The following ATXN7 variants were observed in gnomAD, a reference collection of about 807,000 sequenced individuals.
ATXN7 encodes the protein ataxin-7.
ATXN7 carries 12 observed loss-of-function variants against 70.5 expected under a neutral mutation model. The observed-to-expected ratio is 0.17, with a 90% confidence interval of 0.11 to 0.28. ATXN7 has a LOEUF of 0.28. Ranked by LOEUF, ATXN7 falls within the 10% of genes least tolerant of loss-of-function variation. ATXN7 has a pLI of 1.00. For missense variants in ATXN7, 1,256 were observed against 1,131.7 expected, an observed-to-expected ratio of 1.11 and a Z score of -1.58; for synonymous variants, 498 against 448.7, an observed-to-expected ratio of 1.11 and a Z score of -1.39.
chr3:63,926,343 C>T (rs1704714423), intron 4 of ATXN7, among the ~76,000 whole-genome samples: 3 of 152,072 alleles, frequency 2.0e-5, no homozygotes. Flanking sequence ...ATGGGAAATA[C>T]AATTTTAAAT....
chr3:63,961,831 G>C (rs1229093282), intron 5 of ATXN7, among the ~76,000 whole-genome samples: 2 of 152,002 alleles, frequency 1.3e-5, no homozygotes, highest in African/African-American at 4.8e-5. Context: ...GCTATTATAG[G>C]ATTGCCATGC....
At chr3:63,894,899 A>T (rs1559622821) in intron 1 of ATXN7, among the ~76,000 whole-genome samples, 1 of 152,116 alleles carries the variant, frequency 6.6e-6, no homozygotes, top group Non-Finnish European at 1.5e-5. Flanking sequence ...CATATCTAGA[A>T]TGGAGAGATT....
At chr3:63,932,069 A>G (rs570966173) in intron 4 of ATXN7, among the ~76,000 whole-genome samples, 7 of 152,342 alleles carry the variant, frequency 4.6e-5, no homozygotes, top group African/African-American at 1.4e-4. Context: ...TCATGACTCA[A>G]TAGTGTTTAG....
At chr3:63,944,750 T>C (rs1431179058) in intron 4 of ATXN7, among the ~76,000 whole-genome samples, 1 of 152,024 alleles carries the variant, frequency 6.6e-6, no homozygotes, top group African/African-American at 2.4e-5. Context: ...TTTTGTGAGT[T>C]ATGTTTTTTT....
chr3:63,960,318 A>G (rs898230579), intron 5 of ATXN7, among the ~76,000 whole-genome samples: 1 of 152,200 alleles, frequency 6.6e-6, no homozygotes, highest in African/African-American at 2.4e-5. Context: ...AAGTGGGTCC[A>G]GGACCAGATG....
chr3:63,910,793 A>AAATC (rs1491323188), intron 2 of ATXN7, among the ~76,000 whole-genome samples: 2 of 152,148 alleles, frequency 1.3e-5, no homozygotes, highest in Non-Finnish European at 2.9e-5. Context: ...AAAAAATTTT[A>AAATC]CAGACTTATT....
At chr3:63,869,474 A>T (rs1702535356) in intron 1 of ATXN7, among the ~76,000 whole-genome samples, 1 of 151,906 alleles carries the variant, frequency 6.6e-6, no homozygotes, top group Admixed American at 6.6e-5. Context: ...CCAAGGCTGG[A>T]GTGCAGTGGC....
intron 1 of ATXN7, among the ~76,000 whole-genome samples, chr3:63,880,784 C>T (rs113389212): frequency 2.2e-4 from 34 of 152,264 alleles, no homozygotes; most frequent in South Asian, 4.1e-4. Context: ...TCAGACACGC[C>T]GCCCTTCTCA....
chr3:63,865,852 G>A (rs1702403015), intron 1 of ATXN7, among the ~76,000 whole-genome samples: 1 of 114,488 alleles, frequency 8.7e-6, no homozygotes, highest in South Asian at 3.0e-4. Flanking sequence ...CCCAGATCCC[G>A]CCACTGCACT....
At chr3:63,958,966 A>G (rs1037908702) in intron 5 of ATXN7, among the ~76,000 whole-genome samples, 4 of 152,218 alleles carry the variant, frequency 2.6e-5, no homozygotes, top group African/African-American at 7.2e-5. Context: ...TCACAAAACT[A>G]TCATTAGTGA....
At chr3:63,998,210 G>A in intron 12 of ATXN7, 1 of 701,700 alleles carries the variant, frequency 1.4e-6, no homozygotes. Context: ...AGGGGGGGGG[G>A]CCAGGTGGGG....
At chr3:63,915,158 A>G (rs1377171322) in intron 4 of ATXN7, among the ~76,000 whole-genome samples, 1 of 152,124 alleles carries the variant, frequency 6.6e-6, no homozygotes, top group African/African-American at 2.4e-5. Context: ...GATGGTCTCA[A>G]TCTCCTAACC....
intron 1 of ATXN7, among the ~76,000 whole-genome samples, chr3:63,897,438 A>C (rs1422329525): frequency 3.3e-5 from 5 of 152,216 alleles, no homozygotes; most frequent in African/African-American, 1.2e-4. Flanking sequence ...GTAAATGTTC[A>C]AAACATGGCA....
chr3:63,868,365 G>A lies in ATXN7; in HGVS notation c.-111+4207G>A, dbSNP rs78881213. ...ATATGGCTAACTAGTAGAGTTGTTGGGAGGCTAGCTAGAAGTTTCCCGTAT... is the reference window on the plus strand; with the variant it reads ...ATATGGCTAACTAGTAGAGTTGTTGAGAGGCTAGCTAGAAGTTTCCCGTAT... On this transcript the variant is annotated intron_variant, in intron 1 of 12. Transcript: ENST00000674280. Among the ~76,000 whole-genome samples the A allele has an allele frequency of 4.3e-3, 656 of 152,208 alleles. 5 individuals are homozygous for A. Among genetic ancestry groups the A allele is most frequent in the African/African-American group, 0.015 (626 of 41,536 alleles).
intron 8 of ATXN7, among the ~76,000 whole-genome samples, chr3:63,983,826 C>T (rs762877449): frequency 6.6e-6 from 1 of 152,020 alleles, no homozygotes; most frequent in Non-Finnish European, 1.5e-5. Flanking sequence ...TGTTGATGTG[C>T]ATTTCTCTGG....
At chr3:63,917,450 C>G (rs1326257124) in intron 4 of ATXN7, among the ~76,000 whole-genome samples, 1 of 150,760 alleles carries the variant, frequency 6.6e-6, no homozygotes, top group Non-Finnish European at 1.5e-5. Flanking sequence ...ATTTAGAGAC[C>G]CTTAAAAAAT....
Position 64,001,342 on chromosome 3 carries a change from C to A in ATXN7, c.*1875C>A, listed in dbSNP as rs555836975. On this transcript the variant is annotated 3_prime_UTR_variant, in exon 13 of 13. Transcript: ENST00000674280. ...TAGTAAGGAGAGGGCATGGATGGGC[C>A]AGTTTGGCATAGTTGGGAGAAATCA... 12 of 152,116 alleles carry A rather than the reference C, an allele frequency of 7.9e-5. No individual in the cohort carries two copies. Among genetic ancestry groups the A allele is most frequent in the African/African-American group, 2.9e-4 (12 of 41,498 alleles). The allele number at this position is 152,116 out of a possible 1,614,324, so 9.4% of individuals were successfully genotyped here.
At position 63,999,905 on chromosome 3, in the gene ATXN7, A is replaced by C; in HGVS notation, c.*438A>C. ...ATTTTTTTTTAACACTGTCATCTGT[A>C]GGTCACTCTCCAGCAGTTAGGCACC... is the stretch of plus-strand genomic sequence containing the variant. On this transcript the variant is annotated 3_prime_UTR_variant, in exon 13 of 13. Transcript: ENST00000674280. 1 of 231,432 alleles carries C rather than the reference A, an allele frequency of 4.3e-6. No individual in the cohort carries two copies. Among genetic ancestry groups the C allele is most frequent in the South Asian group, 6.6e-5 (1 of 15,184 alleles). The allele number at this position is 231,432 out of a possible 1,614,324, so 14.3% of individuals were successfully genotyped here.
intron 1 of ATXN7, among the ~76,000 whole-genome samples, chr3:63,885,951 A>T (rs1703073576): frequency 6.6e-6 from 1 of 152,192 alleles, no homozygotes; most frequent in African/African-American, 2.4e-5. Flanking sequence ...TGGGAGGTGA[A>T]GTTTGCAGTG....
Sources: allele counts gnomAD v4.1 joint callset (sites outside exome capture counted in the v4.1 genomes callset), GRCh38; gene constraint gnomAD v4.1.1; transcripts MANE v1.5; gene names NCBI Gene and HGNC (gene_info 2026-07-23, HGNC 2026-07-21).